Variants in RBFOX3 observed in about 807,000 individuals in gnomAD.
RBFOX3 encodes the protein RNA binding fox-1 homolog 3, also known as RNA binding protein fox-1 homolog 3.
In RBFOX3, 17 loss-of-function variants were observed where a neutral mutation model predicts 48.7. That is an observed-to-expected ratio of 0.35 (90% CI 0.24 to 0.52). RBFOX3 has a LOEUF of 0.52. Ranked by LOEUF, RBFOX3 falls within the 20% of genes least tolerant of loss-of-function variation. RBFOX3 has a pLI of 0.94. For missense variants in RBFOX3, 382 were observed against 497.5 expected (o/e 0.77, Z 2.21); for synonymous variants, 212 against 209.5 (o/e 1.01, Z -0.10).
chr17:79,224,558 C>T (rs2060102395), intron 4 of RBFOX3, among the ~76,000 whole-genome samples: 1 of 152,200 alleles, frequency 6.6e-6, no homozygotes, highest in South Asian at 2.1e-4. Context: ...GTGAAACTAA[C>T]ATTCCAGGTG....
intron 1 of RBFOX3, among the ~76,000 whole-genome samples, chr17:79,542,592 T>C (rs2089873987): frequency 6.6e-6 from 1 of 152,236 alleles, no homozygotes; most frequent in African/African-American, 2.4e-5. Context: ...GAGATCAGCC[T>C]GGCCAACATG....
chr17:79,624,444 C>A, the RBFOX3 span, among the ~76,000 whole-genome samples: 1 of 152,274 alleles, frequency 6.6e-6, no homozygotes, highest in East Asian at 1.9e-4. Flanking sequence ...ACAGAGAGGC[C>A]TCCAGTTGCC....
chr17:79,453,372 G>T (rs2073906006), intron 2 of RBFOX3, among the ~76,000 whole-genome samples: 1 of 152,206 alleles, frequency 6.6e-6, no homozygotes, highest in South Asian at 2.1e-4. Flanking sequence ...CGTCGCAGTG[G>T]GGCCCCTCTC....
chr17:79,558,100 C>T (rs1046523731), intron 1 of RBFOX3, among the ~76,000 whole-genome samples: 388 of 152,284 alleles, frequency 2.5e-3, no homozygotes, highest in African/African-American at 9.0e-3. Flanking sequence ...CAGATCATCA[C>T]GAGGTCCATC....
At chr17:79,354,899 A>G (rs927452606) in intron 2 of RBFOX3, among the ~76,000 whole-genome samples, 1 of 152,248 alleles carries the variant, frequency 6.6e-6, no homozygotes, top group African/African-American at 2.4e-5. Flanking sequence ...AAGTAAAATT[A>G]AAAGCTATAA....
At chr17:79,399,884 T>C (rs2148390286) in intron 2 of RBFOX3, among the ~76,000 whole-genome samples, 1 of 152,336 alleles carries the variant, frequency 6.6e-6, no homozygotes, top group East Asian at 1.9e-4. Flanking sequence ...AACTGGCTAG[T>C]GCAGGACAGT....
the RBFOX3 span, among the ~76,000 whole-genome samples, chr17:79,618,730 T>C: frequency 6.6e-6 from 1 of 152,156 alleles, no homozygotes; most frequent in Admixed American, 6.5e-5. Context: ...TCAATCTGAT[T>C]TCTCTGTGCT....
intron 1 of RBFOX3, among the ~76,000 whole-genome samples, chr17:79,512,814 C>T (rs1171112149): frequency 2.7e-5 from 4 of 145,636 alleles, no homozygotes; most frequent in East Asian, 2.0e-4. Context: ...GGCCAGGGGA[C>T]GCACACCCGG....
In RBFOX3 at chr17:79,391,754, G is replaced by A. The variant is rs1241132724; in HGVS notation, c.-174-83930C>T. Among the ~76,000 whole-genome samples the A allele has an allele frequency of 6.6e-6, 1 of 152,098 alleles. No homozygotes were observed. Among genetic ancestry groups the A allele is most frequent in the Non-Finnish European group, 1.5e-5 (1 of 68,016 alleles). Reference sequence around the variant, plus strand: ...TGTGCACGTGTGAGTTAGGGTGGGGGGTATGTGGAGACACCAGGACCACCA... The same window carrying A: ...TGTGCACGTGTGAGTTAGGGTGGGGAGTATGTGGAGACACCAGGACCACCA... On this transcript the variant is annotated intron_variant, in intron 2 of 14. Transcript: ENST00000693108. This position sits in a 1 kb window ranked among gnomAD's most constrained non-coding sequence, Gnocchi z 5.0.
At chr17:79,273,064 G>A (rs770832063) in intron 3 of RBFOX3, among the ~76,000 whole-genome samples, 1 of 152,172 alleles carries the variant, frequency 6.6e-6, no homozygotes, top group Admixed American at 6.5e-5. Context: ...ACTCCCTCTG[G>A]GGCTTGGCTT....
chr17:79,459,573 G>A (rs2075093312), intron 2 of RBFOX3, among the ~76,000 whole-genome samples: 1 of 152,130 alleles, frequency 6.6e-6, no homozygotes, highest in African/African-American at 2.4e-5. Context: ...TCACGGGGCA[G>A]TGCTGTGTTC....
intron 8 of RBFOX3, 105 bp from the exon 9 acceptor site, chr17:79,101,749 G>A (rs1418185088): frequency 5.2e-5 from 48 of 920,848 alleles, no homozygotes; most frequent in Middle Eastern, 2.5e-4. Flanking sequence ...GGCACCCCCC[G>A]CCCCAGCCTC....
Position 79,399,352 on chromosome 17 carries a change from C to G in RBFOX3, c.-175+83102G>C, listed in dbSNP as rs142277040. On this transcript the variant is annotated intron_variant, in intron 2 of 14. Coordinates refer to ENST00000693108, the MANE Select transcript of RBFOX3 (RefSeq NM_001350451.2). ...GCAAAGGTGCGTGCCCGCACACACA[C>G]AGCTGGTAAATCAGCAGTTTTGCTT... Among the ~76,000 whole-genome samples the G allele has an allele frequency of 2.0e-5, 3 of 152,360 alleles. No homozygotes were observed. The East Asian group carries it at 5.8e-4, about 29-fold the overall frequency.
At position 79,475,987 on chromosome 17, in the gene RBFOX3, C is replaced by T. The variant is rs113251563; in HGVS notation, c.-175+6467G>A. On this transcript the variant is annotated intron_variant, in intron 2 of 14. Transcript: ENST00000693108. The stretch of plus-strand genomic sequence containing the variant: ...CTGTGGCATTCTGTGATGGCAGTCA[C>T]GGGACACCGACCCAGATGATCTGAA... Among the ~76,000 whole-genome samples the T allele has an allele frequency of 1.1e-4, 17 of 152,332 alleles. 1 individual carries two copies. Among genetic ancestry groups the T allele is most frequent in the East Asian group, 1.9e-4 (1 of 5,180 alleles).
chr17:79,284,119 G>A (rs111761325), intron 3 of RBFOX3, among the ~76,000 whole-genome samples: 1 of 150,108 alleles, frequency 6.7e-6, no homozygotes, highest in African/African-American at 2.5e-5. Context: ...AAATGGAGAT[G>A]CCTTCTCCAG....
At chr17:79,153,979 G>A (rs1187737536) in intron 4 of RBFOX3, among the ~76,000 whole-genome samples, 3 of 152,136 alleles carry the variant, frequency 2.0e-5, no homozygotes, top group Non-Finnish European at 4.4e-5. Flanking sequence ...CGGCTCCCAC[G>A]GCAGCCAGGG....
the RBFOX3 span, among the ~76,000 whole-genome samples, chr17:79,620,276 C>T: frequency 1.1e-4 from 16 of 150,498 alleles, no homozygotes; most frequent in East Asian, 2.0e-4. Context: ...TGCACACATA[C>T]GCATATGCGC....
At chr17:79,324,757 C>T (rs971264435) in intron 2 of RBFOX3, among the ~76,000 whole-genome samples, 7 of 152,222 alleles carry the variant, frequency 4.6e-5, no homozygotes, top group Non-Finnish European at 4.4e-5. Flanking sequence ...CAAGCCAACA[C>T]CTGGCCGAGC....
In RBFOX3 at chr17:79,097,375, G is replaced by A. The variant is rs1323193019; in HGVS notation, c.672C>T (p.Gly224=). ...CCCGGCCCCGGCCCCGAAGATGTGC[G>A]CCCCGGTAGGCAACGGCTGTGCCGG... ...PTTGTAVAYR[G]AHLRGRGRAV... The change falls in exon 11 of 15, where the codon GGC becomes GGT. Residue 224 remains glycine (G), a synonymous_variant. Transcript: ENST00000693108. 1 of 1,548,348 alleles carries A rather than the reference G, an allele frequency of 6.5e-7. No individual in the cohort carries two copies. Among genetic ancestry groups the A allele is most frequent in the South Asian group, 1.2e-5 (1 of 83,908 alleles).
Sources: gnomAD v4.1 joint callset for allele counts (sites outside exome capture counted in the v4.1 genomes callset) on GRCh38, gnomAD v4.1.1 for gene constraint, Gnocchi (gnomAD v3.1) non-coding constraint, MANE v1.5 for transcripts, NCBI Gene and HGNC (gene_info 2026-07-23, HGNC 2026-07-21) for gene names.